The following BORCS5 variants were observed in gnomAD, a reference collection of about 807,000 sequenced individuals.
The protein encoded by BORCS5 is BLOC-1 related complex subunit 5.
BORCS5 carries 17 observed loss-of-function variants against 22.1 expected under a neutral mutation model. The ratio of observed to expected loss-of-function variants is 0.77; its 90% CI spans 0.53 to 1.15. The LOEUF (loss-of-function observed/expected upper bound fraction) is 1.15, where lower values mean the gene tolerates loss of function less well. Among genes scored for constraint, BORCS5 ranks in the 50% most tolerant of loss-of-function variants. The pLI is 0.00. For synonymous variants in BORCS5, 117 were observed against 99.8 expected (o/e 1.17, Z -1.03); for missense variants, 247 against 253.2 (o/e 0.98, Z 0.17).
chr12:12,425,652 C>G (rs1342606953), intron 2 of BORCS5, among the ~76,000 whole-genome samples: 1 of 152,186 alleles, frequency 6.6e-6, no homozygotes, highest in Non-Finnish European at 1.5e-5. Context: ...GGAGAAATGC[C>G]TATTTAAATC....
chr12:12,391,575 A>G (rs972547048), intron 2 of BORCS5, among the ~76,000 whole-genome samples: 1 of 151,214 alleles, frequency 6.6e-6, no homozygotes, highest in Non-Finnish European at 1.5e-5. Context: ...TTTAGTAGAG[A>G]CAGGGTTTCA....
At position 12,457,434 on chromosome 12, in the gene BORCS5, C is replaced by T. The variant is rs910424637; in HGVS notation, c.361-8112C>T. 3.3e-5 allele frequency among the ~76,000 whole-genome samples: 5 copies of T among 152,220 alleles called. No individual in the cohort carries two copies. The East Asian group carries it at 7.7e-4, about 23-fold the overall frequency. On this transcript the variant is annotated intron_variant, in intron 3 of 3. Coordinates refer to ENST00000314565, the MANE Select transcript of BORCS5 (RefSeq NM_058169.6). ...CCGGTAATCCCAGCACTTTGGGAGG[C>T]CGAGGCGGGCGGATCACGAGGTCAG... is the stretch of plus-strand genomic sequence containing the variant.
At chr12:12,365,959 G>A (rs1356143595) in intron 2 of BORCS5, among the ~76,000 whole-genome samples, 1 of 152,308 alleles carries the variant, frequency 6.6e-6, no homozygotes, top group Non-Finnish European at 1.5e-5. Context: ...GTATGAGGTT[G>A]TTTGGGTTTT....
chr12:12,430,176 A>C (rs923506859), intron 2 of BORCS5, among the ~76,000 whole-genome samples: 1 of 26,142 alleles, frequency 3.8e-5, no homozygotes, highest in African/African-American at 4.1e-4. Flanking sequence ...TTTGAGACAG[A>C]GTCTTGCTCT....
At chr12:12,412,597 T>G (rs1188951862) in intron 2 of BORCS5, among the ~76,000 whole-genome samples, 1 of 152,192 alleles carries the variant, frequency 6.6e-6, no homozygotes, top group Non-Finnish European at 1.5e-5. Context: ...CTTTCTAATT[T>G]CGATGCCTTT....
In BORCS5 at chr12:12,357,389, G is replaced by T. The variant is rs1012153199; in HGVS notation, c.-63G>T. 2 of 1,575,418 alleles carry T rather than the reference G, an allele frequency of 1.3e-6. No homozygotes were observed. Among genetic ancestry groups the T allele is most frequent in the Non-Finnish European group, 8.6e-7 (1 of 1,156,728 alleles). On this transcript the variant is annotated 5_prime_UTR_variant, in exon 1 of 4. Coordinates refer to ENST00000314565, the MANE Select transcript of BORCS5 (RefSeq NM_058169.6). ...CCCGGTCCCTGGCCCCTGCCCTGTC[G>T]CCCGCCGCCGGAGCGGTGACCGCCC...
intron 3 of BORCS5, among the ~76,000 whole-genome samples, chr12:12,443,615 C>T (rs1461675609): frequency 1.3e-5 from 2 of 152,180 alleles, no homozygotes; most frequent in African/African-American, 2.4e-5. Flanking sequence ...GGAAGAGGGC[C>T]GAATCTAGTT....
chr12:12,372,876 C>T (rs1863560600), intron 2 of BORCS5, among the ~76,000 whole-genome samples: 1 of 151,062 alleles, frequency 6.6e-6, no homozygotes, highest in Non-Finnish European at 1.5e-5. Flanking sequence ...CTCAAGGCTG[C>T]CCCCTTCTCT....
At chr12:12,393,290 G>T (rs1476693861) in intron 2 of BORCS5, among the ~76,000 whole-genome samples, 1 of 151,926 alleles carries the variant, frequency 6.6e-6, no homozygotes, top group African/African-American at 2.4e-5. Context: ...ACTCAACTCA[G>T]GATGTACCCT....
chr12:12,437,390 C>T (rs1189989331), intron 3 of BORCS5, among the ~76,000 whole-genome samples: 1 of 152,182 alleles, frequency 6.6e-6, no homozygotes, highest in Non-Finnish European at 1.5e-5. Context: ...ATAAATTACC[C>T]AGTCTTGGAT....
At chr12:12,386,857 T>G (rs1258870744) in intron 2 of BORCS5, among the ~76,000 whole-genome samples, 1 of 151,016 alleles carries the variant, frequency 6.6e-6, no homozygotes, top group Non-Finnish European at 1.5e-5. Context: ...GTTCCAATAT[T>G]TATCTGCACT....
At chr12:12,439,525 T>C (rs1592129408) in intron 3 of BORCS5, among the ~76,000 whole-genome samples, 1 of 151,826 alleles carries the variant, frequency 6.6e-6, no homozygotes, top group African/African-American at 2.4e-5. Context: ...TCCCAGCTAC[T>C]TGGGAGGTGA....
At chr12:12,451,166 CT>C (rs201926986) in intron 3 of BORCS5, among the ~76,000 whole-genome samples, 3,101 of 138,718 alleles carry the variant, frequency 0.022, 56 homozygotes, top group African/African-American at 0.049. Flanking sequence ...AGAATTTATT[CT>C]TTTTTTTTTT....
intron 2 of BORCS5, among the ~76,000 whole-genome samples, chr12:12,368,300 A>G (rs1863448107): frequency 6.8e-6 from 1 of 146,186 alleles, no homozygotes; most frequent in Non-Finnish European, 1.5e-5. Flanking sequence ...TTTTTAATCT[A>G]CTGGTTAGTC....
At chr12:12,456,937 G>A (rs994275350) in intron 3 of BORCS5, among the ~76,000 whole-genome samples, 2 of 151,894 alleles carry the variant, frequency 1.3e-5, no homozygotes, top group African/African-American at 2.4e-5. Flanking sequence ...GAGATGAGGC[G>A]TCCACATAAG....
chr12:12,366,694 A>T (rs1565829502), intron 2 of BORCS5, among the ~76,000 whole-genome samples: 1 of 152,204 alleles, frequency 6.6e-6, no homozygotes, highest in African/African-American at 2.4e-5. Context: ...AACCACTCAT[A>T]TTTTTTAATG....
At chr12:12,392,432 G>A (rs1327427470) in intron 2 of BORCS5, among the ~76,000 whole-genome samples, 1 of 151,996 alleles carries the variant, frequency 6.6e-6, no homozygotes, top group East Asian at 1.9e-4. Context: ...TTCCAGTTCT[G>A]CTTAAACATT....
intron 2 of BORCS5, among the ~76,000 whole-genome samples, chr12:12,397,676 G>A (rs7310012): frequency 0.6 from 91,986 of 152,120 alleles, 29,101 homozygotes; most frequent in African/African-American, 0.78. Context: ...AGTTTTTTCA[G>A]TGAGCTAACT....
At chr12:12,443,507 G>C (rs1175053395) in intron 3 of BORCS5, among the ~76,000 whole-genome samples, 1 of 152,214 alleles carries the variant, frequency 6.6e-6, no homozygotes, top group Non-Finnish European at 1.5e-5. Flanking sequence ...GGCTGCTTCT[G>C]GTTCGGCGGA....
Sources: allele counts gnomAD v4.1 joint callset (sites outside exome capture counted in the v4.1 genomes callset), GRCh38; gene constraint gnomAD v4.1.1; transcripts MANE v1.5; gene names NCBI Gene and HGNC (gene_info 2026-07-23, HGNC 2026-07-21).